Variants in PRKCH observed in about 807,000 individuals in gnomAD.
PRKCH encodes protein kinase C eta type.
In PRKCH, 28 loss-of-function variants were observed where a neutral mutation model predicts 82.5. The ratio of observed to expected loss-of-function variants is 0.34; its 90% CI spans 0.25 to 0.47. PRKCH has a LOEUF of 0.47. Ranked by LOEUF, PRKCH falls within the 20% of genes least tolerant of loss-of-function variation. The probability of loss-of-function intolerance (pLI) is 1.00; values close to 1 mark genes in which losing one functional copy is unlikely to be tolerated. For missense variants in PRKCH, 705 were observed against 881.8 expected, an observed-to-expected ratio of 0.80 and a Z score of 2.54; for synonymous variants, 322 against 327.4, an observed-to-expected ratio of 0.98 and a Z score of 0.18.
intron 1 of PRKCH, among the ~76,000 whole-genome samples, chr14:61,256,461 A>T (rs1403550405): frequency 1.3e-5 from 2 of 152,036 alleles, no homozygotes; most frequent in African/African-American, 4.8e-5. Context: ...ATCTGTGCTT[A>T]TTTTTCCTGA....
At chr14:61,335,897 A>G (rs556009041) in intron 1 of PRKCH, among the ~76,000 whole-genome samples, 1 of 152,374 alleles carries the variant, frequency 6.6e-6, no homozygotes, top group South Asian at 2.1e-4. Flanking sequence ...TACCATAATT[A>G]TCAGTGCATC....
intron 1 of PRKCH, among the ~76,000 whole-genome samples, chr14:61,204,105 A>T (rs2044504383): frequency 6.6e-6 from 1 of 152,038 alleles, no homozygotes; most frequent in African/African-American, 2.4e-5. Context: ...TCACTCCTTA[A>T]GTTTCCTCCC....
At chr14:61,216,415 A>T (rs1376654185) in intron 1 of PRKCH, among the ~76,000 whole-genome samples, 3 of 152,074 alleles carry the variant, frequency 2.0e-5, no homozygotes, top group Non-Finnish European at 4.4e-5. Flanking sequence ...GGTTGCAGTC[A>T]GCTGAGATTG....
chr14:61,472,551 C>G (rs1038160680), intron 9 of PRKCH, among the ~76,000 whole-genome samples: 2 of 152,028 alleles, frequency 1.3e-5, no homozygotes, highest in Admixed American at 6.6e-5. Context: ...CTTTTGTTTC[C>G]CATACATGGA....
At chr14:61,393,238 T>C (rs1239588506) in intron 2 of PRKCH, among the ~76,000 whole-genome samples, 1 of 152,244 alleles carries the variant, frequency 6.6e-6, no homozygotes, top group Non-Finnish European at 1.5e-5. Flanking sequence ...AAGGTTATTT[T>C]AGCTATTCTC....
chr14:61,380,376 G>C (rs191481842), intron 1 of PRKCH, among the ~76,000 whole-genome samples: 52 of 149,268 alleles, frequency 3.5e-4, no homozygotes, highest in African/African-American at 1.2e-3. Flanking sequence ...TCAGGTGTGA[G>C]CCACTGCAGC....
At chr14:61,527,047 G>A (rs978773647) in intron 10 of PRKCH, among the ~76,000 whole-genome samples, 1 of 152,232 alleles carries the variant, frequency 6.6e-6, no homozygotes, top group African/African-American at 2.4e-5. Flanking sequence ...ACAGTGCCCT[G>A]GGGTATGGGT....
At chr14:61,310,822 T>C (rs1391603144) in intron 1 of PRKCH, among the ~76,000 whole-genome samples, 1 of 152,252 alleles carries the variant, frequency 6.6e-6, no homozygotes, top group African/African-American at 2.4e-5. Context: ...CATCCAGGCA[T>C]TTCCATACAT....
Position 61,348,223 on chromosome 14 carries a change from G to A in PRKCH, c.363+25759G>A, listed in dbSNP as rs549587933. On this transcript the variant is annotated intron_variant, in intron 1 of 13. Coordinates refer to ENST00000332981, the MANE Select transcript of PRKCH (RefSeq NM_006255.5). Reference sequence around the variant, plus strand: ...TGGTCTGTCACAGCCAGAGAGCAGGGGGCCAGAGAGAGGACTGATTGCCCA... The same window carrying A: ...TGGTCTGTCACAGCCAGAGAGCAGGAGGCCAGAGAGAGGACTGATTGCCCA... 5.3e-5 allele frequency among the ~76,000 whole-genome samples: 8 copies of A among 152,174 alleles called. No individual in the cohort carries two copies. The South Asian group carries it at 6.2e-4, about 12-fold the overall frequency.
chr14:61,382,380 T>G (rs1193324428), intron 1 of PRKCH, among the ~76,000 whole-genome samples: 1 of 152,044 alleles, frequency 6.6e-6, no homozygotes, highest in Non-Finnish European at 1.5e-5. Flanking sequence ...CAGTGAGCTG[T>G]GATTGTGCCA....
chr14:61,261,479 A>G (rs1340637583), intron 1 of PRKCH, among the ~76,000 whole-genome samples: 2 of 152,206 alleles, frequency 1.3e-5, no homozygotes, highest in Non-Finnish European at 2.9e-5. Flanking sequence ...GCTGAGGCCA[A>G]GAGCAGAAAG....
intron 1 of PRKCH, among the ~76,000 whole-genome samples, chr14:61,272,121 G>C (rs1240250984): frequency 6.6e-6 from 1 of 151,772 alleles, no homozygotes; most frequent in Non-Finnish European, 1.5e-5. Context: ...CCAGCTACTC[G>C]GGAGGCTGAG....
At chr14:61,405,380 CT>C (rs55977918) in intron 2 of PRKCH, among the ~76,000 whole-genome samples, 75,948 of 145,292 alleles carry the variant, frequency 0.52, 21,394 homozygotes, top group Middle Eastern at 0.65. Flanking sequence ...ATCTTCTGCT[CT>C]TTTTTTTTTT....
At chr14:61,245,044 T>A (rs904146875) in intron 1 of PRKCH, among the ~76,000 whole-genome samples, 1 of 152,230 alleles carries the variant, frequency 6.6e-6, no homozygotes, top group Non-Finnish European at 1.5e-5. Flanking sequence ...AAGACTGTTA[T>A]GTACCCAACT....
At chr14:61,192,679 C>T (rs1389021410) in intron 1 of PRKCH, among the ~76,000 whole-genome samples, 1 of 152,202 alleles carries the variant, frequency 6.6e-6, no homozygotes, top group African/African-American at 2.4e-5. Context: ...CCTAAATGTT[C>T]AGGCAACAAG....
rs2043032557 is a variant in PRKCH at position 61,530,499 on chromosome 14, G to A, written c.1665G>A (p.Glu555=). ...YEMLCGHAPF[E]AENEDDLFEA... ...TGCTCTGTGGTCACGCGCCTTTTGA[G>A]GCAGAGAACGAAGATGACCTCTTTG... The change falls in exon 12 of 14, where the codon GAG becomes GAA. Residue 555 remains glutamate (E), a synonymous_variant. Transcript: ENST00000332981. 1.2e-6 allele frequency: 2 copies of A among 1,612,754 alleles called. No homozygotes were observed. The highest frequency in any genetic ancestry group is 3.3e-5 in the Admixed American group (2 of 59,784).
At chr14:61,188,355 C>T (rs2044378900) in intron 1 of PRKCH, among the ~76,000 whole-genome samples, 1 of 152,204 alleles carries the variant, frequency 6.6e-6, no homozygotes, top group African/African-American at 2.4e-5. Context: ...TCAGCTTCTG[C>T]CCCCGCCCAC....
At chr14:61,375,283 T>A (rs1243982400) in intron 1 of PRKCH, among the ~76,000 whole-genome samples, 2 of 152,026 alleles carry the variant, frequency 1.3e-5, no homozygotes, top group South Asian at 2.1e-4. Flanking sequence ...AGCATTTTGG[T>A]CTCAACCATT....
At position 61,248,893 on chromosome 14, in the gene PRKCH, C is replaced by T. The variant is rs567416641; in HGVS notation, c.-19+61225C>T. ...CTCGGGTCACTGCAACCTCTGCCTC[C>T]CGGATTCAAGCAACTCTCATGCCTC... On this transcript the variant is annotated intron_variant, in intron 1 of 3. Coordinates refer to the PRKCH transcript ENST00000555185. Among the ~76,000 whole-genome samples, 10 of 152,054 alleles carry T rather than the reference C, an allele frequency of 6.6e-5. No homozygotes were observed. The East Asian group carries it at 1.6e-3, about 24-fold the overall frequency.
Sources: gnomAD v4.1 joint callset for allele counts (sites outside exome capture counted in the v4.1 genomes callset) on GRCh38, gnomAD v4.1.1 for gene constraint, MANE v1.5 for transcripts, NCBI Gene and HGNC (gene_info 2026-07-23, HGNC 2026-07-21) for gene names.